Variants in TMEM132C observed in about 807,000 individuals in gnomAD.
The protein encoded by TMEM132C is transmembrane protein 132C.
In TMEM132C, 29 loss-of-function variants were observed where a neutral mutation model predicts 61.4. The ratio of observed to expected loss-of-function variants is 0.47; its 90% CI spans 0.35 to 0.64. The LOEUF (loss-of-function observed/expected upper bound fraction) is 0.64. Ranked by LOEUF, TMEM132C falls within the 30% of genes least tolerant of loss-of-function variation. The probability of loss-of-function intolerance (pLI) is 0.00; values close to 1 mark genes in which losing one functional copy is unlikely to be tolerated. For missense variants in TMEM132C, 1,408 were observed against 1,476.9 expected (o/e 0.95, Z 0.76); for synonymous variants, 656 against 633.1 (o/e 1.04, Z -0.54).
intron 4 of TMEM132C, among the ~76,000 whole-genome samples, chr12:128,647,187 C>T (rs539068366): frequency 1.4e-5 from 2 of 147,714 alleles, no homozygotes; most frequent in South Asian, 2.2e-4. Context: ...AGTGTGTTTA[C>T]TGGAGTCCAT....
At chr12:128,406,424 A>G (rs948027595) in intron 1 of TMEM132C, among the ~76,000 whole-genome samples, 1 of 152,202 alleles carries the variant, frequency 6.6e-6, no homozygotes. Context: ...GTTAGGGAAG[A>G]TGGTCATTAA....
intron 2 of TMEM132C, among the ~76,000 whole-genome samples, chr12:128,423,695 C>A (rs780001990): frequency 6.6e-6 from 1 of 151,740 alleles, no homozygotes; most frequent in Non-Finnish European, 1.5e-5. Flanking sequence ...CATAGCGAGA[C>A]CCTGTCTCTT....
At chr12:128,428,921 A>G (rs891915061) in intron 2 of TMEM132C, among the ~76,000 whole-genome samples, 13 of 152,246 alleles carry the variant, frequency 8.5e-5, no homozygotes, top group Non-Finnish European at 2.9e-5. Context: ...AGCACTTAAT[A>G]TTAACTCCAT....
intron 3 of TMEM132C, among the ~76,000 whole-genome samples, chr12:128,591,150 G>A (rs1484356761): frequency 1.3e-5 from 2 of 152,148 alleles, no homozygotes; most frequent in Non-Finnish European, 2.9e-5. Flanking sequence ...CATTTAAAAT[G>A]TACAATTCAA....
intron 2 of TMEM132C, among the ~76,000 whole-genome samples, chr12:128,520,290 GT>G (rs1555229379): frequency 6.6e-6 from 1 of 152,130 alleles, no homozygotes; most frequent in Non-Finnish European, 1.5e-5. Flanking sequence ...GTCTACCAAC[GT>G]TTTCTTCTTT....
At chr12:128,499,815 A>G (rs1872096330) in intron 2 of TMEM132C, among the ~76,000 whole-genome samples, 1 of 152,076 alleles carries the variant, frequency 6.6e-6, no homozygotes, top group Admixed American at 6.5e-5. Flanking sequence ...CTGATTCCCT[A>G]TTTTGCTTAT....
At chr12:128,328,787 A>T (rs985036662) in intron 1 of TMEM132C, among the ~76,000 whole-genome samples, 28 of 89,748 alleles carry the variant, frequency 3.1e-4, no homozygotes, top group Middle Eastern at 5.8e-3. Flanking sequence ...ATTCTGTCTT[A>T]AAAAAAAAAA....
intron 2 of TMEM132C, among the ~76,000 whole-genome samples, chr12:128,486,278 G>A (rs1373823449): frequency 1.3e-5 from 2 of 152,138 alleles, no homozygotes; most frequent in Non-Finnish European, 2.9e-5. Context: ...CTTTAACTTT[G>A]AGAAGTGACA....
intron 3 of TMEM132C, among the ~76,000 whole-genome samples, chr12:128,596,180 C>T (rs183849299): frequency 0.016 from 2,316 of 145,608 alleles, 78 homozygotes; most frequent in African/African-American, 0.057. Context: ...TGACTGATCC[C>T]GTGTTCTCTC....
At position 128,623,886 on chromosome 12, in the gene TMEM132C, A is replaced by G. The variant is rs111394754; in HGVS notation, c.1305+7551A>G. Among the ~76,000 whole-genome samples the G allele has an allele frequency of 2.1e-3, 319 of 152,324 alleles. 1 individual carries two copies. Among genetic ancestry groups the G allele is most frequent in the African/African-American group, 7.1e-3 (297 of 41,580 alleles). ...GAGAATATTTACATAAGCAATAAGA[A>G]GAAGAAGACGAAAGTGAAAAGAGTG... On this transcript the variant is annotated intron_variant, in intron 4 of 8. Coordinates refer to ENST00000435159, the MANE Select transcript of TMEM132C (RefSeq NM_001136103.3).
intron 1 of TMEM132C, among the ~76,000 whole-genome samples, chr12:128,394,022 G>T (rs564627258): frequency 9.9e-5 from 15 of 152,234 alleles, no homozygotes; most frequent in Admixed American, 6.5e-4. Context: ...CCCAAGACTG[G>T]GTAATTTACA....
At chr12:128,488,988 C>A (rs1362839064) in intron 2 of TMEM132C, among the ~76,000 whole-genome samples, 1 of 152,134 alleles carries the variant, frequency 6.6e-6, no homozygotes, top group Non-Finnish European at 1.5e-5. Context: ...AAGTTTTTAT[C>A]CACAAATACA....
intron 1 of TMEM132C, among the ~76,000 whole-genome samples, chr12:128,368,459 C>T (rs1284132630): frequency 1.3e-5 from 2 of 152,124 alleles, no homozygotes; most frequent in Non-Finnish European, 2.9e-5. Context: ...CCTAAAGTAG[C>T]GAAGATGATA....
chr12:128,495,703 C>A (rs1565953288), intron 2 of TMEM132C, among the ~76,000 whole-genome samples: 1 of 152,064 alleles, frequency 6.6e-6, no homozygotes, highest in Non-Finnish European at 1.5e-5. Flanking sequence ...TCCTCCCTCC[C>A]TTTATTTTGA....
chr12:128,454,643 C>A (rs1043024551), intron 2 of TMEM132C, among the ~76,000 whole-genome samples: 1 of 152,168 alleles, frequency 6.6e-6, no homozygotes. Context: ...ATAGGACCTC[C>A]AGGATGGAGC....
At chr12:128,599,435 G>C (rs573893866) in intron 3 of TMEM132C, among the ~76,000 whole-genome samples, 1 of 152,214 alleles carries the variant, frequency 6.6e-6, no homozygotes, top group Non-Finnish European at 1.5e-5. Context: ...GGGCAGCGAT[G>C]ATGGCCAGGG....
At chr12:128,609,829 C>T (rs1876569504) in intron 3 of TMEM132C, among the ~76,000 whole-genome samples, 1 of 152,188 alleles carries the variant, frequency 6.6e-6, no homozygotes, top group South Asian at 2.1e-4. Flanking sequence ...TAAGGCAAAG[C>T]CTCAAGAACA....
chr12:128,414,724 C>A lies in TMEM132C; in HGVS notation c.86-8C>A. ...GTCTTTTTCTTTTCTTTCTTTTTCC[C>A]TTTTTAGTGATAGAGGGTCACGGGG... On this transcript the variant is annotated splice_region_variant and splice_polypyrimidine_tract_variant and intron_variant, in intron 1 of 8. Coordinates refer to ENST00000435159, the MANE Select transcript of TMEM132C (RefSeq NM_001136103.3). 1.3e-6 allele frequency: 2 copies of A among 1,502,920 alleles called. No individual in the cohort carries two copies. Among genetic ancestry groups the A allele is most frequent in the Non-Finnish European group, 1.8e-6 (2 of 1,129,510 alleles). 93.1% of individuals were successfully genotyped at this position (1,502,920 alleles called of 1,614,324 possible).
intron 1 of TMEM132C, among the ~76,000 whole-genome samples, chr12:128,408,883 C>T (rs563594300): frequency 5.3e-5 from 8 of 152,242 alleles, no homozygotes; most frequent in South Asian, 2.1e-4. Context: ...GTGTCCCTGC[C>T]GGGAAAAGGA....
Sources: gnomAD v4.1 joint callset for allele counts (sites outside exome capture counted in the v4.1 genomes callset) on GRCh38, gnomAD v4.1.1 for gene constraint, MANE v1.5 for transcripts, NCBI Gene and HGNC (gene_info 2026-07-23, HGNC 2026-07-21) for gene names.